Variants in HYDIN observed in about 807,000 individuals in gnomAD.
The protein encoded by HYDIN is HYDIN axonemal central pair apparatus protein.
HYDIN carries 132 observed loss-of-function variants against 403.9 expected under a neutral mutation model. The observed-to-expected ratio is 0.33, with a 90% CI of 0.28 to 0.38. The LOEUF (loss-of-function observed/expected upper bound fraction) is 0.38. Among genes scored for constraint, HYDIN ranks in the 10% least tolerant of loss-of-function variants. The pLI, the probability that HYDIN is intolerant of heterozygous loss-of-function variation, is 1.00. For synonymous variants in HYDIN, 1,202 were observed against 1,891.7 expected (o/e 0.64, Z 9.46); for missense variants, 2,827 against 5,009.5 (o/e 0.56, Z 13.15).
intron 66 of HYDIN, among the ~76,000 whole-genome samples, chr16:70,867,078 G>A (rs1222189067): frequency 6.9e-6 from 1 of 145,608 alleles, no homozygotes; most frequent in Non-Finnish European, 1.5e-5. Flanking sequence ...AAGGATATTT[G>A]CAGACAAATA....
intron 39 of HYDIN, among the ~76,000 whole-genome samples, chr16:70,957,528 T>C (rs533777977): frequency 1.3e-5 from 2 of 152,250 alleles, no homozygotes; most frequent in African/African-American, 2.4e-5. Flanking sequence ...GGTTTCACCA[T>C]GTTGGCCGGG....
chr16:70,993,853 C>G (rs1187530810), intron 23 of HYDIN, among the ~76,000 whole-genome samples: 1 of 151,696 alleles, frequency 6.6e-6, no homozygotes, highest in Non-Finnish European at 1.5e-5. Context: ...TAGTCTTTTA[C>G]ATTTTAGCCA....
Position 70,807,817 on chromosome 16 carries a change from C to A in HYDIN, c.15129G>T (p.Lys5043Asn). The A allele has an allele frequency of 6.2e-7, 1 of 1,614,162 alleles. No homozygotes were observed. Among genetic ancestry groups the A allele is most frequent in the East Asian group, 2.2e-5 (1 of 44,876 alleles). Reference protein sequence around the residue: ...RAGYSIIIPFKNVFYHMVTFS... With the variant: ...RAGYSIIIPFNNVFYHMVTFS... ...AGGTCACCATGTGATAGAAGACATTCTTGAAGGGGATGATTATGCTGTACC... is the reference window on the plus strand; with the variant it reads ...AGGTCACCATGTGATAGAAGACATTATTGAAGGGGATGATTATGCTGTACC... The change falls in exon 86 of 86, where the codon AAG becomes AAT. Residue 5043 changes from lysine to asparagine, a missense_variant. Lys to Asn is a moderately conservative substitution (Grantham distance 94). Transcript: ENST00000393567.
At chr16:71,210,374 G>A (rs1175248628) in intron 1 of HYDIN, among the ~76,000 whole-genome samples, 3 of 152,094 alleles carry the variant, frequency 2.0e-5, no homozygotes, top group South Asian at 2.1e-4. Context: ...TGGATGGAAC[G>A]TTAGACCATT....
chr16:71,219,439 A>T (rs1275256962), intron 1 of HYDIN, among the ~76,000 whole-genome samples: 2 of 152,170 alleles, frequency 1.3e-5, no homozygotes, highest in African/African-American at 4.8e-5. Flanking sequence ...GAAGACCACC[A>T]CTTTAAGAAT....
intron 9 of HYDIN, among the ~76,000 whole-genome samples, chr16:71,117,853 T>G (rs1043067599): frequency 6.6e-6 from 1 of 151,920 alleles, no homozygotes. Context: ...ATTAACACAA[T>G]CAGTCTTATC....
chr16:70,951,036 A>G (rs2143916185), intron 41 of HYDIN, among the ~76,000 whole-genome samples: 1 of 152,138 alleles, frequency 6.6e-6, no homozygotes, highest in Non-Finnish European at 1.5e-5. Context: ...AGAGTTCAAG[A>G]CCAGCCTGGG....
intron 1 of HYDIN, among the ~76,000 whole-genome samples, chr16:71,208,313 A>T (rs1212289055): frequency 6.6e-6 from 1 of 152,228 alleles, no homozygotes; most frequent in African/African-American, 2.4e-5. Flanking sequence ...CCTGCTGCCA[A>T]ATGAGTCTTG....
At chr16:70,934,762 T>G (rs1186319617) in intron 45 of HYDIN, among the ~76,000 whole-genome samples, 4 of 117,358 alleles carry the variant, frequency 3.4e-5, no homozygotes, top group Admixed American at 9.1e-5. Flanking sequence ...GCCCTGAATC[T>G]GGTAGTGGGG....
Position 71,027,382 on chromosome 16 carries a change from T to C in HYDIN, c.3042+220A>G, listed in dbSNP as rs1326761970. 2.6e-5 allele frequency: 37 copies of C among 1,433,072 alleles called. No homozygotes were observed. In the East Asian group the frequency reaches 9.5e-4, roughly 37 times the overall value. The allele number at this position is 1,433,072 out of a possible 1,614,324, so 88.8% of individuals were successfully genotyped here. The stretch of plus-strand genomic sequence containing the variant: ...GTGGACCCTGGGCATGAGAACCTCC[T>C]TTAAGATTGGGTTCACAGTAGCTAC... On this transcript the variant is annotated intron_variant, in intron 20 of 85. Transcript: ENST00000393567.
Position 70,955,356 on chromosome 16 carries a change from C to G in HYDIN, c.6316+19G>C, listed in dbSNP as rs746986264. On this transcript the variant is annotated intron_variant, in intron 40 of 85. Coordinates refer to ENST00000393567, the MANE Select transcript of HYDIN (RefSeq NM_001270974.2). ...TGTTGGTGACTTGACCACAAAAACC[C>G]AAGAGAATGGGCTCTTACCAGCCTC... 245 of 1,548,122 alleles carry G rather than the reference C, an allele frequency of 1.6e-4. No individual in the cohort carries two copies. The highest frequency in any genetic ancestry group is 1.9e-4 in the Non-Finnish European group (223 of 1,152,718).
At chr16:70,986,506 A>G (rs1202134941) in intron 27 of HYDIN, among the ~76,000 whole-genome samples, 1 of 152,228 alleles carries the variant, frequency 6.6e-6, no homozygotes, top group African/African-American at 2.4e-5. Flanking sequence ...TTTTAGGCAC[A>G]ATCTTTGATC....
chr16:71,173,289 A>G (rs2086541136), intron 5 of HYDIN, among the ~76,000 whole-genome samples: 1 of 152,166 alleles, frequency 6.6e-6, no homozygotes, highest in Non-Finnish European at 1.5e-5. Context: ...ACAACATTTA[A>G]CTCAGTTAAT....
chr16:71,114,525 G>T (rs936974751), intron 10 of HYDIN, among the ~76,000 whole-genome samples: 1 of 151,990 alleles, frequency 6.6e-6, no homozygotes, highest in Non-Finnish European at 1.5e-5. Context: ...GTGGCATTTA[G>T]AAACCAAGCT....
intron 30 of HYDIN, among the ~76,000 whole-genome samples, chr16:70,976,985 C>T (rs2078906790): frequency 6.6e-6 from 1 of 152,118 alleles, no homozygotes; most frequent in African/African-American, 2.4e-5. Flanking sequence ...TCTAGAGCAG[C>T]AAAGCCAACT....
At chr16:71,182,698 G>A (rs1233365457) in intron 3 of HYDIN, among the ~76,000 whole-genome samples, 13 of 152,126 alleles carry the variant, frequency 8.5e-5, no homozygotes, top group Admixed American at 8.5e-4. Context: ...ATGATCCAGA[G>A]TTCAGGGGAT....
In HYDIN at chr16:70,818,392, T is replaced by G. The variant is rs1387181927; in HGVS notation, c.14608A>C (p.Met4870Leu). 1.2e-6 allele frequency: 2 copies of G among 1,613,832 alleles called. No homozygotes were observed. Among genetic ancestry groups the G allele is most frequent in the Admixed American group, 1.7e-5 (1 of 59,990 alleles). Residue 4870 changes from methionine (M) to leucine (L), a missense_variant, in exon 84 of 86, where the codon ATG (methionine) becomes CTG (leucine). Transcript: ENST00000393567. ...TGGGAGGGCAGGGCGATGTCGGGCA[T>G]CCGGCATTCCGTGGAGAAGGTCACC... Reference protein sequence around the residue: ...YSVTFSTECRMPDIALPSQFV... With the variant: ...YSVTFSTECRLPDIALPSQFV...
Position 71,006,572 on chromosome 16 carries a change from G to T in HYDIN, c.3644+11557C>A, listed in dbSNP as rs193081130. ...CAGGAACCACTGGCTATCACAGGCA[G>T]TTGGGGTATGATTATCACTAAAAAT... On this transcript the variant is annotated intron_variant, in intron 23 of 85. Transcript: ENST00000393567. Among the ~76,000 whole-genome samples, 22 of 152,260 alleles carry T rather than the reference G, an allele frequency of 1.4e-4. No individual in the cohort carries two copies. In the East Asian group the frequency reaches 4.3e-3, roughly 29 times the overall value.
In HYDIN at chr16:70,920,977, C is replaced by T. The variant is rs199635653; in HGVS notation, c.7399G>A (p.Val2467Ile). ...FKTYELTLKDVQNILMYWDRK... is the reference protein window; with the variant it reads ...FKTYELTLKDIQNILMYWDRK... ...TCCCAGTACATGAGGATGTTCTGGA[C>T]ATCCTTCAGTGTCAATTCATAGGTC... Residue 2467 changes from valine to isoleucine, a missense_variant, in exon 46 of 86, where the codon GTC becomes ATC. By Grantham distance (29) the Val-to-Ile change is conservative. Coordinates refer to ENST00000393567, the MANE Select transcript of HYDIN (RefSeq NM_001270974.2). The T allele has an allele frequency of 1.3e-6, 2 of 1,590,942 alleles. No homozygotes were observed. Among genetic ancestry groups the T allele is most frequent in the African/African-American group, 2.7e-5 (2 of 74,154 alleles).
Sources: allele counts gnomAD v4.1 joint callset (sites outside exome capture counted in the v4.1 genomes callset), GRCh38; gene constraint gnomAD v4.1.1; transcripts MANE v1.5; gene names NCBI Gene and HGNC (gene_info 2026-07-23, HGNC 2026-07-21).